Variants in SHQ1 observed in about 807,000 individuals in gnomAD.
The protein encoded by SHQ1 is SHQ1, H/ACA ribonucleoprotein assembly factor, also known as protein SHQ1 homolog.
SHQ1 carries 49 observed loss-of-function variants against 53.8 expected under a neutral mutation model. The ratio of observed to expected loss-of-function variants is 0.91; its 90% CI spans 0.72 to 1.16. The LOEUF is 1.16. Among genes scored for constraint, SHQ1 ranks in the 50% most tolerant of loss-of-function variants. The pLI is 0.00. For missense variants in SHQ1, 738 were observed against 683.1 expected (o/e 1.08, Z -0.90); for synonymous variants, 243 against 251.0 (o/e 0.97, Z 0.30).
intron 9 of SHQ1, chr3:72,794,427 TACATGATAG>T (rs1158438707): frequency 1.3e-5 from 2 of 152,224 alleles, no homozygotes; most frequent in Non-Finnish European, 2.9e-5. Flanking sequence ...AATGAATGAA[TACATGATAG>T]ACACAGTAAT....
At chr3:72,826,163 T>C (rs1008333851) in intron 5 of SHQ1, among the ~76,000 whole-genome samples, 3 of 152,214 alleles carry the variant, frequency 2.0e-5, no homozygotes, top group African/African-American at 7.2e-5. Context: ...GGAAATAAAG[T>C]ACATATTAGA....
At chr3:72,832,595 A>G (rs1011761741) in intron 4 of SHQ1, 114 bp from the exon 5 acceptor site, 2 of 659,570 alleles carry the variant, frequency 3.0e-6, no homozygotes, top group Non-Finnish European at 5.3e-6. Context: ...TCAGTAAACC[A>G]TGATGCCACC....
intron 5 of SHQ1, among the ~76,000 whole-genome samples, chr3:72,827,868 C>T (rs997339744): frequency 5.3e-5 from 8 of 151,380 alleles, no homozygotes; most frequent in Non-Finnish European, 1.0e-4. Flanking sequence ...CATTCTCCTG[C>T]CTCAGCCTCC....
intron 9 of SHQ1, among the ~76,000 whole-genome samples, chr3:72,807,578 T>C (rs994146552): frequency 2.6e-5 from 4 of 152,212 alleles, no homozygotes; most frequent in African/African-American, 9.6e-5. Flanking sequence ...TCCTCTACAA[T>C]TCAATTTTTT....
chr3:72,757,987 T>C (rs540939567), intron 10 of SHQ1, among the ~76,000 whole-genome samples: 1 of 152,310 alleles, frequency 6.6e-6, no homozygotes, highest in South Asian at 2.1e-4. Flanking sequence ...TAAATTTTTT[T>C]AAAAGGGCTT....
chr3:72,740,040 G>A, the SHQ1 span, among the ~76,000 whole-genome samples: 100,439 of 152,116 alleles, frequency 0.66, 35,121 homozygotes, highest in East Asian at 0.95. Flanking sequence ...CTTCTGAAGA[G>A]AGAGCTGAGC....
At chr3:72,829,437 C>T (rs1353559291) in intron 5 of SHQ1, among the ~76,000 whole-genome samples, 5 of 152,210 alleles carry the variant, frequency 3.3e-5, no homozygotes, top group African/African-American at 9.7e-5. Flanking sequence ...CCGTAGGCAC[C>T]ACGGTGTCTT....
intron 10 of SHQ1, among the ~76,000 whole-genome samples, chr3:72,754,694 T>A (rs1705464785): frequency 6.6e-6 from 1 of 152,186 alleles, no homozygotes; most frequent in Admixed American, 6.5e-5. Flanking sequence ...GTGTCCTTTC[T>A]TAAGGCCACA....
At chr3:72,797,123 T>G (rs939196564) in intron 9 of SHQ1, among the ~76,000 whole-genome samples, 4 of 151,912 alleles carry the variant, frequency 2.6e-5, no homozygotes, top group Admixed American at 6.6e-5. Flanking sequence ...CCGGGCATGA[T>G]AGCAGGTGCC....
At chr3:72,795,673 T>G (rs1392892913) in intron 9 of SHQ1, 1 of 152,228 alleles carries the variant, frequency 6.6e-6, no homozygotes, top group Non-Finnish European at 1.5e-5. Context: ...CTAAAAGTTT[T>G]AAATGTCAAT....
intron 9 of SHQ1, among the ~76,000 whole-genome samples, chr3:72,802,771 A>G (rs936590879): frequency 1.3e-5 from 2 of 152,128 alleles, no homozygotes; most frequent in African/African-American, 2.4e-5. Context: ...CAAGCACTCT[A>G]TCAGGGTCAG....
chr3:72,738,967 T>C, the SHQ1 span, among the ~76,000 whole-genome samples: 4 of 152,126 alleles, frequency 2.6e-5, no homozygotes, highest in Non-Finnish European at 5.9e-5. Flanking sequence ...CCTGCGCGGC[T>C]CCGGGGAGAG....
chr3:72,749,223 T>A (rs1055115896), downstream of SHQ1: 2 of 202,278 alleles, frequency 9.9e-6, no homozygotes, highest in Non-Finnish European at 2.0e-5. Context: ...GGCTTGGTCA[T>A]TCCACTCTCA....
At chr3:72,790,815 T>C (rs895048098) in intron 10 of SHQ1, among the ~76,000 whole-genome samples, 10 of 152,200 alleles carry the variant, frequency 6.6e-5, no homozygotes, top group Non-Finnish European at 1.2e-4. Context: ...GAAAGTTATG[T>C]TCAAATTGGT....
At chr3:72,739,292 C>T in the SHQ1 span, among the ~76,000 whole-genome samples, 1 of 152,204 alleles carries the variant, frequency 6.6e-6, no homozygotes, top group African/African-American at 2.4e-5. Flanking sequence ...CCTGCCCATC[C>T]ACCGACAATC....
intron 4 of SHQ1, among the ~76,000 whole-genome samples, chr3:72,833,249 TG>T (rs1559696058): frequency 6.6e-6 from 1 of 152,052 alleles, no homozygotes; most frequent in Non-Finnish European, 1.5e-5. Flanking sequence ...CGAACCACCC[TG>T]GGCAACATGG....
chr3:72,781,053 CTTTTTTTTTTTCTT>C (rs1392929217), intron 10 of SHQ1, among the ~76,000 whole-genome samples: 6 of 141,666 alleles, frequency 4.2e-5, no homozygotes, highest in South Asian at 2.3e-4. Context: ...ATTTTCTTCT[CTTTTTTTTTTTCTT>C]TTTTTTTTTT....
chr3:72,729,824 A>AT, the SHQ1 span, among the ~76,000 whole-genome samples: 2 of 150,420 alleles, frequency 1.3e-5, no homozygotes, highest in African/African-American at 5.0e-5. Context: ...ATTTTATTTT[A>AT]TTTATTTATT....
chr3:72,834,060 T>C (rs1707918910), intron 4 of SHQ1, among the ~76,000 whole-genome samples: 3 of 152,224 alleles, frequency 2.0e-5, no homozygotes, highest in Admixed American at 6.5e-5. Flanking sequence ...GCAACAAATG[T>C]GAGCAATGCT....
Sources: allele counts gnomAD v4.1 joint callset (sites outside exome capture counted in the v4.1 genomes callset), GRCh38; gene constraint gnomAD v4.1.1; transcripts MANE v1.5; gene names NCBI Gene and HGNC (gene_info 2026-07-23, HGNC 2026-07-21).